The following MAPK10 variants were observed in gnomAD, a reference collection of about 807,000 sequenced individuals.
The protein encoded by MAPK10 is mitogen-activated protein kinase 10, also known as JNK3 alpha protein kinase.
Under a neutral mutation model 59.3 loss-of-function variants are expected in MAPK10, and 25 were observed. That is an observed-to-expected ratio of 0.42 (90% CI 0.31 to 0.59). MAPK10 has a LOEUF of 0.59. Ranked by LOEUF, MAPK10 falls within the 20% of genes least tolerant of loss-of-function variation. The pLI, the probability that MAPK10 is intolerant of heterozygous loss-of-function variation, is 0.15. For synonymous variants in MAPK10, 190 were observed against 200.5 expected, an observed-to-expected ratio of 0.95 and a Z score of 0.44; for missense variants, 351 against 568.9, an observed-to-expected ratio of 0.62 and a Z score of 3.90.
At chr4:86,552,279 G>A (rs1278892049) in intron 1 of MAPK10, among the ~76,000 whole-genome samples, 1 of 151,762 alleles carries the variant, frequency 6.6e-6, no homozygotes, top group African/African-American at 2.4e-5. Context: ...AAATTAGCCA[G>A]GCGTGGAGGT....
At chr4:86,426,688 C>T (rs780531408) in intron 1 of MAPK10, among the ~76,000 whole-genome samples, 1 of 152,098 alleles carries the variant, frequency 6.6e-6, no homozygotes, top group Non-Finnish European at 1.5e-5. Flanking sequence ...CAAACTTATT[C>T]GAGCATGGAT....
intron 1 of MAPK10, among the ~76,000 whole-genome samples, chr4:86,387,035 T>C (rs1262662084): frequency 1.3e-5 from 2 of 151,896 alleles, no homozygotes; most frequent in Non-Finnish European, 2.9e-5. Flanking sequence ...AGGATAAAAA[T>C]CAAGGAGATG....
Position 86,016,097 on chromosome 4 carries a change from A to G in MAPK10, c.*1131T>C, listed in dbSNP as rs1743199313. 6.6e-6 allele frequency: 1 copy of G among 152,198 alleles called. No individual in the cohort carries two copies. Among genetic ancestry groups the G allele is most frequent in the Non-Finnish European group, 1.5e-5 (1 of 68,042 alleles). 9.4% of individuals were successfully genotyped at this position (152,198 alleles called of 1,614,324 possible). On this transcript the variant is annotated 3_prime_UTR_variant, in exon 14 of 14. Coordinates refer to ENST00000641462, the MANE Select transcript of MAPK10 (RefSeq NM_138982.4). ...GCAGGCTCATTTTTTTGTTGAAGGA[A>G]TTCACATGGAGGCAATTCTGCTCAG...
intron 4 of MAPK10, among the ~76,000 whole-genome samples, chr4:86,116,465 G>A (rs775624865): frequency 3.3e-5 from 5 of 152,110 alleles, no homozygotes; most frequent in Non-Finnish European, 7.4e-5. Flanking sequence ...TTCAAAAAAC[G>A]GGCATCTGGT....
At chr4:86,384,012 G>A (rs985614382) in intron 1 of MAPK10, 6 of 151,922 alleles carry the variant, frequency 3.9e-5, no homozygotes, top group African/African-American at 1.5e-4. Context: ...CCTACATTTC[G>A]AAGCCTAATA....
At chr4:86,303,461 G>A (rs886331053) in intron 2 of MAPK10, among the ~76,000 whole-genome samples, 8 of 152,162 alleles carry the variant, frequency 5.3e-5, no homozygotes, top group African/African-American at 1.9e-4. Flanking sequence ...TGCTTTTAAA[G>A]ATGTAGTCTA....
chr4:86,288,577 C>A (rs1322738539), intron 2 of MAPK10, among the ~76,000 whole-genome samples: 1 of 151,908 alleles, frequency 6.6e-6, no homozygotes, highest in Non-Finnish European at 1.5e-5. Flanking sequence ...GGGGAAACAC[C>A]AGAGGTTCCT....
rs150199418 is a variant in MAPK10 at position 86,279,910 on chromosome 4, A to G, written c.-7+74620T>C. 2.0e-5 allele frequency among the ~76,000 whole-genome samples: 3 copies of G among 152,326 alleles called. No homozygotes were observed. The East Asian group carries it at 5.8e-4, about 29-fold the overall frequency. On this transcript the variant is annotated intron_variant, in intron 2 of 13. Transcript: ENST00000641462. ...CAGTGCTCCTGCAGCTCTGTGAGCC[A>G]TCATATGCTCTTCCAACAAATCTCT...
At chr4:86,102,988 A>G (rs1299571388) in intron 6 of MAPK10, 198 bp downstream of exon 6, 1 of 419,812 alleles carries the variant, frequency 2.4e-6, no homozygotes, top group Non-Finnish European at 4.3e-6. Context: ...GTAACCCCAC[A>G]AACAGAATCT....
intron 2 of MAPK10, among the ~76,000 whole-genome samples, chr4:86,237,933 G>A (rs1026650460): frequency 6.6e-6 from 1 of 152,142 alleles, no homozygotes; most frequent in Middle Eastern, 3.2e-3. Flanking sequence ...CCTATGTCCT[G>A]AATGGTATTG....
chr4:86,102,264 T>C, intron 6 of MAPK10: 1 of 409,928 alleles, frequency 2.4e-6, no homozygotes, highest in Non-Finnish European at 4.4e-6. Flanking sequence ...GTCCACAGAT[T>C]TGTTACCTTA....
Position 86,261,713 on chromosome 4 carries a change from C to G in MAPK10, c.-6-67306G>C, listed in dbSNP as rs566462068. 5.3e-5 allele frequency among the ~76,000 whole-genome samples: 8 copies of G among 152,244 alleles called. No homozygotes were observed. The South Asian group carries it at 1.7e-3, about 32-fold the overall frequency. On this transcript the variant is annotated intron_variant, in intron 2 of 13. Coordinates refer to ENST00000641462, the MANE Select transcript of MAPK10 (RefSeq NM_138982.4). ...TTTAGACTTTTGTGACTGGACATGC[C>G]TTTTTCAGAGACCACAGAAGCCCTG... is the stretch of plus-strand genomic sequence containing the variant.
intron 2 of MAPK10, among the ~76,000 whole-genome samples, chr4:86,214,347 A>G (rs77317275): frequency 0.085 from 12,886 of 151,882 alleles, 1,215 homozygotes; most frequent in African/African-American, 0.23. Context: ...TCACTTTTAC[A>G]CCTTCTATTC....
chr4:86,249,163 T>TACAC (rs3029313), intron 2 of MAPK10, among the ~76,000 whole-genome samples: 9 of 151,060 alleles, frequency 6.0e-5, no homozygotes, highest in Admixed American at 4.0e-4. Context: ...CATACATGCA[T>TACAC]ACACACACAC....
At chr4:86,097,676 A>G (rs946372056) in intron 9 of MAPK10, among the ~76,000 whole-genome samples, 2 of 152,044 alleles carry the variant, frequency 1.3e-5, no homozygotes, top group Non-Finnish European at 2.9e-5. Context: ...AAAGTATATT[A>G]TACTATTATA....
intron 1 of MAPK10, among the ~76,000 whole-genome samples, chr4:86,508,234 T>G (rs887968697): frequency 1.3e-5 from 2 of 152,186 alleles, no homozygotes; most frequent in Non-Finnish European, 2.9e-5. Flanking sequence ...AGCTCACCTT[T>G]GATGGATTGG....
intron 2 of MAPK10, among the ~76,000 whole-genome samples, chr4:86,242,268 T>A (rs2092774475): frequency 6.6e-6 from 1 of 152,104 alleles, no homozygotes; most frequent in African/African-American, 2.4e-5. Flanking sequence ...ACCAACCTGA[T>A]GCCAGTAGAA....
At chr4:86,471,992 CA>C (rs1752695230) in intron 1 of MAPK10, among the ~76,000 whole-genome samples, 1 of 152,112 alleles carries the variant, frequency 6.6e-6, no homozygotes, top group Admixed American at 6.6e-5. Context: ...CAACATTCAT[CA>C]GGAATAAACC....
In MAPK10 at chr4:86,107,339, C is replaced by T. The variant is rs1241125979; in HGVS notation, c.250G>A (p.Ala84Thr). 1.7e-5 allele frequency: 28 copies of T among 1,612,794 alleles called. No individual in the cohort carries two copies. Among genetic ancestry groups the T allele is most frequent in the Non-Finnish European group, 2.4e-5 (28 of 1,179,252 alleles). Residue 84 changes from alanine (A) to threonine (T), a missense_variant, in exon 5 of 14, where the codon GCT becomes ACT. Physicochemically the swap from Ala to Thr is moderately conservative, Grantham distance 58 (BLOSUM62 0). Transcript: ENST00000641462. ...AQGIVCAAYDAVLDRNVAIKK... is the reference protein window; with the variant it reads ...AQGIVCAAYDTVLDRNVAIKK... Reference sequence around the variant, plus strand: ...ATGGCCACATTTCTGTCAAGGACAGCATCATACGCGGCACTGTAGAGATCC... The same window carrying T: ...ATGGCCACATTTCTGTCAAGGACAGTATCATACGCGGCACTGTAGAGATCC...
Sources: gnomAD v4.1 joint callset for allele counts (sites outside exome capture counted in the v4.1 genomes callset) on GRCh38, gnomAD v4.1.1 for gene constraint, MANE v1.5 for transcripts, NCBI Gene and HGNC (gene_info 2026-07-23, HGNC 2026-07-21) for gene names.